SVOPL: variants seen among roughly 807,000 people sequenced by gnomAD.
SVOPL encodes putative transporter SVOPL.
A neutral mutation model predicts 61.0 loss-of-function variants in SVOPL; 60 were observed. The ratio of observed to expected loss-of-function variants is 0.98; its 90% CI spans 0.80 to 1.22. SVOPL has a LOEUF of 1.22. Among genes scored for constraint, SVOPL ranks in the 50% most tolerant of loss-of-function variants. The pLI is 0.00. For missense variants in SVOPL, 662 were observed against 643.9 expected (o/e 1.03, Z -0.30); for synonymous variants, 279 against 250.0 (o/e 1.12, Z -1.09).
chr7:138,638,501 T>C (rs1800613840), intron 9 of SVOPL, among the ~76,000 whole-genome samples: 1 of 152,124 alleles, frequency 6.6e-6, no homozygotes, highest in South Asian at 2.1e-4. Flanking sequence ...ATATTTAGCG[T>C]CCTTGTATTG....
intron 4 of SVOPL, among the ~76,000 whole-genome samples, chr7:138,671,535 A>G (rs1802416823): frequency 6.6e-6 from 1 of 152,088 alleles, no homozygotes; most frequent in African/African-American, 2.4e-5. Flanking sequence ...TTTAGTAGAG[A>G]CGGGGTTTCA....
chr7:138,607,397 A>G (rs1376195962), intron 14 of SVOPL, among the ~76,000 whole-genome samples: 5 of 152,228 alleles, frequency 3.3e-5, no homozygotes, highest in African/African-American at 1.2e-4. Flanking sequence ...GTAGAGGAAG[A>G]CAAGTCACAA....
At chr7:138,688,470 A>G (rs986062711) in intron 1 of SVOPL, among the ~76,000 whole-genome samples, 11 of 152,048 alleles carry the variant, frequency 7.2e-5, no homozygotes, top group African/African-American at 2.2e-4. Context: ...GGGTTTCACC[A>G]TGTTGGTCAG....
At position 138,594,873 on chromosome 7, in the gene SVOPL, CATATATACATACATACAT is replaced by C. The variant is rs1183244128; in HGVS notation, c.1468-270_1468-253del. 2.0e-5 allele frequency among the ~76,000 whole-genome samples: 3 copies of C among 151,062 alleles called. No homozygotes were observed. In the East Asian group the frequency reaches 5.8e-4, roughly 29 times the overall value. ...CATTATATATACATTTATATGTATA[CATATATACATACATACAT>C]ATATATACACGTGTGTGTCTGTGTA... On this transcript the variant is annotated intron_variant, in intron 15 of 15. Coordinates refer to ENST00000674285, the MANE Select transcript of SVOPL (RefSeq NM_001139456.2).
intron 1 of SVOPL, among the ~76,000 whole-genome samples, chr7:138,690,822 G>A (rs769861008): frequency 1.3e-5 from 2 of 151,956 alleles, no homozygotes; most frequent in Non-Finnish European, 2.9e-5. Flanking sequence ...GCCCAGGCTG[G>A]AGTGCAGTGG....
At chr7:138,627,742 T>C (rs1799957779) in intron 11 of SVOPL, among the ~76,000 whole-genome samples, 1 of 152,208 alleles carries the variant, frequency 6.6e-6, no homozygotes, top group Non-Finnish European at 1.5e-5. Flanking sequence ...GTATTTTAAG[T>C]GTTTTATATG....
intron 1 of SVOPL, 42 bp from the exon 2 acceptor site, chr7:138,679,121 G>A: frequency 7.3e-7 from 1 of 1,372,870 alleles, no homozygotes; most frequent in Non-Finnish European, 1.0e-6. Flanking sequence ...AAATATAATG[G>A]TTATTGGATA....
intron 5 of SVOPL, 76 bp downstream of exon 5, chr7:138,662,998 G>A (rs1171025645): frequency 2.5e-6 from 4 of 1,603,886 alleles, no homozygotes; most frequent in Non-Finnish European, 3.4e-6. Context: ...GCCTACTAAA[G>A]AGAAACAGTG....
intron 10 of SVOPL, 84 bp downstream of exon 10, chr7:138,629,965 A>G (rs1158903143): frequency 9.4e-7 from 1 of 1,067,142 alleles, no homozygotes; most frequent in Non-Finnish European, 1.4e-6. Flanking sequence ...TTTTCTCCCC[A>G]GTGGCACTCA....
intron 1 of SVOPL, among the ~76,000 whole-genome samples, chr7:138,698,066 G>A (rs1377110637): frequency 6.7e-6 from 1 of 150,312 alleles, no homozygotes; most frequent in Non-Finnish European, 1.5e-5. Context: ...AATGGAGAGA[G>A]GGAAAAAAGA....
chr7:138,644,559 G>A (rs765058272), intron 9 of SVOPL, among the ~76,000 whole-genome samples, 158 bp downstream of exon 9: 1 of 152,212 alleles, frequency 6.6e-6, no homozygotes, highest in African/African-American at 2.4e-5. Context: ...ATGGCTCACA[G>A]TGAAAATGAA....
chr7:138,652,202 G>C (rs1259970599), intron 7 of SVOPL, among the ~76,000 whole-genome samples: 1 of 151,722 alleles, frequency 6.6e-6, no homozygotes, highest in Non-Finnish European at 1.5e-5. Context: ...CAGGTGCCTG[G>C]CACCACACCA....
chr7:138,676,607 C>A (rs1802567503), intron 3 of SVOPL, among the ~76,000 whole-genome samples: 1 of 152,114 alleles, frequency 6.6e-6, no homozygotes, highest in East Asian at 1.9e-4. Flanking sequence ...ACATTCAAAC[C>A]CTAGCAGTAA....
chr7:138,596,977 G>T, intron 14 of SVOPL: 1 of 1,128,288 alleles, frequency 8.9e-7, no homozygotes. Flanking sequence ...TGGAAGAGGT[G>T]TTATCTCAGA....
At chr7:138,634,688 C>T (rs1056504984) in intron 9 of SVOPL, among the ~76,000 whole-genome samples, 22 of 149,900 alleles carry the variant, frequency 1.5e-4, no homozygotes, top group Middle Eastern at 3.5e-3. Flanking sequence ...ATTAGCCAGG[C>T]ATGGTGGCAC....
chr7:138,608,962 A>C (rs1239638610), intron 14 of SVOPL, among the ~76,000 whole-genome samples: 1 of 152,156 alleles, frequency 6.6e-6, no homozygotes, highest in Non-Finnish European at 1.5e-5. Context: ...CCACCCACCC[A>C]CACATATATA....
intron 6 of SVOPL, among the ~76,000 whole-genome samples, chr7:138,659,492 G>GAAAAAAAAAAAAAA (rs11295502): frequency 7.1e-6 from 1 of 140,112 alleles, no homozygotes; most frequent in Non-Finnish European, 1.6e-5. Flanking sequence ...ACTCTATCTC[G>GAAAAAAAAAAAAAA]AAAAAAAAAA....
At chr7:138,621,990 G>C (rs202111139) in intron 13 of SVOPL, among the ~76,000 whole-genome samples, 196 of 10,418 alleles carry the variant, frequency 0.019, 4 homozygotes, top group African/African-American at 0.035. Flanking sequence ...ATCTATCTAT[G>C]TATCTATCTA....
At chr7:138,606,611 C>A (rs1798769782) in intron 14 of SVOPL, among the ~76,000 whole-genome samples, 1 of 152,138 alleles carries the variant, frequency 6.6e-6, no homozygotes, top group Non-Finnish European at 1.5e-5. Context: ...GCCTTGCTCC[C>A]TTCTCTGTGC....
Sources: allele counts gnomAD v4.1 joint callset (sites outside exome capture counted in the v4.1 genomes callset), GRCh38; gene constraint gnomAD v4.1.1; transcripts MANE v1.5; gene names NCBI Gene and HGNC (gene_info 2026-07-23, HGNC 2026-07-21).